The following DPPA2 variants were observed in gnomAD, a reference collection of about 807,000 sequenced individuals.
DPPA2 encodes developmental pluripotency associated 2, also known as developmental pluripotency-associated protein 2.
DPPA2 carries 26 observed loss-of-function variants against 36.2 expected under a neutral mutation model. That is an observed-to-expected ratio of 0.72 (90% CI 0.53 to 1.00). The LOEUF is 1.00. DPPA2 is among the 50% of genes least tolerant of loss of function. The pLI, the probability that DPPA2 is intolerant of heterozygous loss-of-function variation, is 0.00. For synonymous variants in DPPA2, 113 were observed against 123.2 expected, an observed-to-expected ratio of 0.92 and a Z score of 0.55; for missense variants, 361 against 365.1, an observed-to-expected ratio of 0.99 and a Z score of 0.09.
intron 1 of DPPA2, among the ~76,000 whole-genome samples, chr3:109,315,069 A>G (rs1289319207): frequency 1.3e-5 from 2 of 152,216 alleles, no homozygotes; most frequent in Non-Finnish European, 2.9e-5. Context: ...CAAGTGAAAG[A>G]AGGAAAGAAA....
At chr3:109,304,038 G>A (rs1057000825) in intron 7 of DPPA2, among the ~76,000 whole-genome samples, 4 of 151,994 alleles carry the variant, frequency 2.6e-5, no homozygotes, top group East Asian at 2.0e-4. Context: ...TTGGGAGGCC[G>A]AGGCGGGCGG....
intron 3 of DPPA2, among the ~76,000 whole-genome samples, chr3:109,309,684 C>T (rs984444199): frequency 3.3e-5 from 5 of 151,568 alleles, no homozygotes; most frequent in Admixed American, 6.6e-5. Context: ...AACAAGACTC[C>T]GTCTCGTCTC....
intron 3 of DPPA2, 33 bp downstream of exon 3, chr3:109,312,512 G>C (rs368013052): frequency 2.0e-5 from 32 of 1,589,252 alleles, no homozygotes; most frequent in Admixed American, 3.4e-5. Flanking sequence ...AGAGTTGTAG[G>C]AGTAACTAAC....
chr3:109,309,585 G>A (rs945026332), intron 3 of DPPA2, among the ~76,000 whole-genome samples: 2 of 151,850 alleles, frequency 1.3e-5, no homozygotes, highest in African/African-American at 2.4e-5. Context: ...AGCTACTTGG[G>A]AGGCTGAGGC....
intron 2 of DPPA2, among the ~76,000 whole-genome samples, chr3:109,313,157 C>T (rs191562621): frequency 3.3e-5 from 5 of 152,282 alleles, no homozygotes; most frequent in Admixed American, 3.3e-4. Flanking sequence ...ATTTCTGCAC[C>T]GATTGTTCCA....
chr3:109,307,984 T>G (rs776605372), intron 6 of DPPA2, 48 bp downstream of exon 6: 83 of 1,581,954 alleles, frequency 5.2e-5, no homozygotes, highest in Middle Eastern at 3.4e-4. Flanking sequence ...CTAATAAAAG[T>G]TAACCTTGTC....
chr3:109,295,114 C>G (rs886075346), intron 8 of DPPA2: 3 of 152,148 alleles, frequency 2.0e-5, no homozygotes, highest in Non-Finnish European at 4.4e-5. Context: ...AAATTGAGAA[C>G]TCCATTATTT....
chr3:109,300,541 G>A (rs1707439140), intron 7 of DPPA2, 106 bp from the exon 8 acceptor site: 2 of 1,135,924 alleles, frequency 1.8e-6, no homozygotes, highest in Admixed American at 3.5e-5. Flanking sequence ...GCACTTCTGG[G>A]CCGGGTGTGG....
chr3:109,298,528 C>T (rs990889513), intron 8 of DPPA2, among the ~76,000 whole-genome samples: 2 of 151,390 alleles, frequency 1.3e-5, no homozygotes, highest in African/African-American at 4.8e-5. Flanking sequence ...GCCTGGCCAA[C>T]ATGGTGAAAC....
intron 7 of DPPA2, among the ~76,000 whole-genome samples, chr3:109,303,025 C>T (rs972126978): frequency 5.3e-5 from 8 of 152,154 alleles, no homozygotes; most frequent in African/African-American, 1.9e-4. Flanking sequence ...CTCCTCCACT[C>T]CCCAAACTCA....
chr3:109,299,243 T>G (rs972149935), intron 8 of DPPA2, among the ~76,000 whole-genome samples: 6 of 149,610 alleles, frequency 4.0e-5, no homozygotes, highest in African/African-American at 1.2e-4. Context: ...CTGGGTGCGG[T>G]GGCTCCCGCC....
intron 1 of DPPA2, among the ~76,000 whole-genome samples, chr3:109,315,245 C>T (rs1250783847): frequency 6.6e-6 from 1 of 152,174 alleles, no homozygotes; most frequent in Non-Finnish European, 1.5e-5. Flanking sequence ...GCATTTTACG[C>T]AGGTATTTTA....
chr3:109,297,731 A>T (rs890759164), intron 8 of DPPA2, among the ~76,000 whole-genome samples: 2 of 152,198 alleles, frequency 1.3e-5, no homozygotes, highest in Admixed American at 6.5e-5. Flanking sequence ...AGGAATCTTC[A>T]CTACATATTG....
At chr3:109,307,356 C>A (rs544118511) in intron 6 of DPPA2, among the ~76,000 whole-genome samples, 8 of 152,098 alleles carry the variant, frequency 5.3e-5, no homozygotes, top group East Asian at 3.9e-4. Flanking sequence ...AATCCCAACA[C>A]TTTGGGAGGC....
chr3:109,298,429 A>C (rs1559694270), intron 8 of DPPA2, among the ~76,000 whole-genome samples: 1 of 151,846 alleles, frequency 6.6e-6, no homozygotes, highest in Non-Finnish European at 1.5e-5. Context: ...AAAAATAATA[A>C]AATAGCCGGG....
intron 8 of DPPA2, among the ~76,000 whole-genome samples, chr3:109,299,042 T>C (rs1707409584): frequency 6.7e-6 from 1 of 149,868 alleles, no homozygotes; most frequent in South Asian, 2.1e-4. Context: ...CCAGACCCTG[T>C]CTCAAAAATA....
intron 8 of DPPA2, among the ~76,000 whole-genome samples, chr3:109,299,077 AG>A (rs1707409938): frequency 6.8e-6 from 1 of 146,276 alleles, no homozygotes; most frequent in East Asian, 2.1e-4. Context: ...AAAGAAAAAG[AG>A]GCCGGGCACG....
intron 8 of DPPA2, among the ~76,000 whole-genome samples, chr3:109,300,022 C>T (rs1007692991): frequency 1.3e-5 from 2 of 152,026 alleles, no homozygotes; most frequent in African/African-American, 2.4e-5. Context: ...TACATGGGAA[C>T]CCTATACTTT....
chr3:109,308,198 C>G lies in DPPA2; in HGVS notation c.492G>C (p.Glu164Asp). 6.2e-7 allele frequency: 1 copy of G among 1,614,228 alleles called. No homozygotes were observed. The highest frequency in any genetic ancestry group is 8.5e-7 in the Non-Finnish European group (1 of 1,180,038). The change falls in exon 6 of 9, where the codon GAG becomes GAC. Residue 164 changes from glutamate to aspartate, a missense_variant. Physicochemically the swap from Glu to Asp is conservative, Grantham distance 45 (BLOSUM62 2). Coordinates refer to ENST00000478945, the MANE Select transcript of DPPA2 (RefSeq NM_138815.4). ...TKRARLQRSY[E>D]MNERAEETNT... The stretch of plus-strand genomic sequence containing the variant: ...TGGTCTCTTCTGCTCTCTCATTCAT[C>G]TCATAACTTCTCTGAAGCCTTGCTC...
Sources: gnomAD v4.1 joint callset for allele counts (sites outside exome capture counted in the v4.1 genomes callset) on GRCh38, gnomAD v4.1.1 for gene constraint, MANE v1.5 for transcripts, NCBI Gene and HGNC (gene_info 2026-07-23, HGNC 2026-07-21) for gene names.